The following TBC1D1 variants were observed in gnomAD, a reference collection of about 807,000 sequenced individuals.
The protein encoded by TBC1D1 is TBC1 (tre-2/USP6, BUB2, cdc16) domain family, member 1.
A neutral mutation model predicts 125.6 loss-of-function variants in TBC1D1; 89 were observed. The ratio of observed to expected loss-of-function variants is 0.71; its 90% CI spans 0.60 to 0.85. The LOEUF is 0.85. TBC1D1 is among the 40% of genes least tolerant of loss of function. TBC1D1 has a pLI of 0.00. For missense variants in TBC1D1, 1,377 were observed against 1,469.2 expected, an observed-to-expected ratio of 0.94 and a Z score of 1.03; for synonymous variants, 565 against 564.1, an observed-to-expected ratio of 1.00 and a Z score of -0.02.
At chr4:38,083,278 G>C (rs12507972) in intron 12 of TBC1D1, among the ~76,000 whole-genome samples, 7,001 of 152,254 alleles carry the variant, frequency 0.046, 205 homozygotes, top group Middle Eastern at 0.078. Flanking sequence ...TTAATATGTG[G>C]ATTGACTAGA....
chr4:38,087,863 G>GAAAAAAAAAAAAAAAGA (rs367742093), intron 12 of TBC1D1, among the ~76,000 whole-genome samples: 1 of 83,944 alleles, frequency 1.2e-5, no homozygotes, highest in Non-Finnish European at 2.2e-5. Flanking sequence ...AAAAAAAAAA[G>GAAAAAAAAAAAAAAAGA]AAAAAAAAAA....
rs115484242 is a variant in TBC1D1 at position 38,117,307 on chromosome 4, G to A, written c.2803-726G>A. ...GTTGTTGTTTCTTTAGGCTCAGGCCGTGGCACTGCTCAGATCTGGGCTGGC... is the reference window on the plus strand; with the variant it reads ...GTTGTTGTTTCTTTAGGCTCAGGCCATGGCACTGCTCAGATCTGGGCTGGC... On this transcript the variant is annotated intron_variant, in intron 16 of 19. Coordinates refer to ENST00000261439, the MANE Select transcript of TBC1D1 (RefSeq NM_015173.4). 5.8e-3 allele frequency among the ~76,000 whole-genome samples: 876 copies of A among 152,184 alleles called. 8 individuals carry two copies. The highest frequency in any genetic ancestry group is 0.02 in the African/African-American group (819 of 41,512).
In TBC1D1 at chr4:38,093,515, G is replaced by A. The variant is rs533782154; in HGVS notation, c.2237-2414G>A. Among the ~76,000 whole-genome samples the A allele has an allele frequency of 2.3e-4, 34 of 145,878 alleles. No homozygotes were observed. In the East Asian group the frequency reaches 2.5e-3, roughly 11 times the overall value. ...CTCCACCGTCCTCCTCTGCAAGGCCGTTTTCCCCCCCCTTTTTTTTTTTTT... is the reference window on the plus strand; with the variant it reads ...CTCCACCGTCCTCCTCTGCAAGGCCATTTTCCCCCCCCTTTTTTTTTTTTT... On this transcript the variant is annotated intron_variant, in intron 13 of 19. Transcript: ENST00000261439.
intron 2 of TBC1D1, among the ~76,000 whole-genome samples, chr4:37,910,423 A>G (rs147906716): frequency 0.011 from 1,633 of 152,348 alleles, 27 homozygotes; most frequent in African/African-American, 0.037. Context: ...AAAAATCTCA[A>G]TAGTTTTTTT....
At position 38,089,990 on chromosome 4, in the gene TBC1D1, T is replaced by C. The variant is rs771306831; in HGVS notation, c.2109T>C (p.Asp703=). 5.6e-6 allele frequency: 9 copies of C among 1,613,972 alleles called. No individual in the cohort carries two copies. In the South Asian group the frequency reaches 9.9e-5, roughly 18 times the overall value. The stretch of plus-strand genomic sequence containing the variant: ...CTCCTTTAGAACCAGTTTGTGAAGA[T>C]GGGCCCTTTGGCCCCCCACCAGAGG... Residue 703 remains aspartate (D), a synonymous_variant, in exon 13 of 20, where the codon GAT becomes GAC. Coordinates refer to ENST00000261439, the MANE Select transcript of TBC1D1 (RefSeq NM_015173.4).
intron 11 of TBC1D1, 144 bp downstream of exon 11, chr4:38,050,042 A>G: frequency 4.2e-6 from 4 of 953,972 alleles, no homozygotes; most frequent in South Asian, 3.4e-5. Context: ...AAGCAGTGAC[A>G]TGTTCGTTCG....
rs992139627 is a variant in TBC1D1, at chr4:37,891,947, C to A, written c.-94+599C>A. 3.3e-5 allele frequency among the ~76,000 whole-genome samples: 5 copies of A among 151,994 alleles called. No individual in the cohort carries two copies. The South Asian group carries it at 1.0e-3, about 32-fold the overall frequency. On this transcript the variant is annotated intron_variant, in intron 1 of 19. Transcript: ENST00000261439. The stretch of plus-strand genomic sequence containing the variant: ...TTTTGCTTTTTTTTCAGAGAGGTAT[C>A]ATTTCGTTTGAAATCCACCTAGATG...
intron 12 of TBC1D1, among the ~76,000 whole-genome samples, chr4:38,074,181 T>C (rs1174980092): frequency 6.6e-6 from 1 of 152,162 alleles, no homozygotes; most frequent in Non-Finnish European, 1.5e-5. Context: ...TGGCTCTGAA[T>C]TGAGGGACAG....
chr4:37,949,683 G>C (rs1218901578), intron 2 of TBC1D1, among the ~76,000 whole-genome samples: 17 of 152,180 alleles, frequency 1.1e-4, no homozygotes, highest in Non-Finnish European at 4.4e-5. Flanking sequence ...CTACATGAGA[G>C]GTCAGCAAAC....
intron 2 of TBC1D1, among the ~76,000 whole-genome samples, chr4:37,919,340 GTT>G (rs60078358): frequency 7.1e-6 from 1 of 140,888 alleles, no homozygotes. Context: ...GTTTGTTTTT[GTT>G]TTTTTTTTTT....
intron 12 of TBC1D1, among the ~76,000 whole-genome samples, chr4:38,061,502 T>G (rs1323419442): frequency 1.3e-5 from 2 of 152,222 alleles, no homozygotes; most frequent in Non-Finnish European, 2.9e-5. Context: ...TACTTTTCCT[T>G]TAAGCATTTC....
intron 15 of TBC1D1, chr4:38,110,345 G>A: frequency 1.0e-6 from 1 of 983,644 alleles, no homozygotes; most frequent in Non-Finnish European, 1.2e-6. Context: ...TGATGCCTGG[G>A]ATGTGCAGGT....
chr4:38,127,444 G>A (rs1356191135), intron 18 of TBC1D1, among the ~76,000 whole-genome samples: 1 of 150,782 alleles, frequency 6.6e-6, no homozygotes, highest in Non-Finnish European at 1.5e-5. Flanking sequence ...GAATGCGGTG[G>A]TGTGATCTTG....
chr4:38,051,488 T>C (rs547670295), intron 11 of TBC1D1, among the ~76,000 whole-genome samples: 15 of 152,296 alleles, frequency 9.8e-5, no homozygotes, highest in African/African-American at 3.1e-4. Flanking sequence ...AGAAATATTA[T>C]TGTTCCTGGG....
chr4:38,084,083 G>A (rs1169277310), intron 12 of TBC1D1, among the ~76,000 whole-genome samples: 3 of 152,028 alleles, frequency 2.0e-5, no homozygotes, highest in Non-Finnish European at 4.4e-5. Flanking sequence ...GACTATAGGC[G>A]CCTGCCATGG....
chr4:37,908,343 T>C (rs1285648363), intron 2 of TBC1D1, among the ~76,000 whole-genome samples: 1 of 152,124 alleles, frequency 6.6e-6, no homozygotes, highest in Non-Finnish European at 1.5e-5. Flanking sequence ...GTAGCTGGGA[T>C]TACAGGCGCC....
intron 2 of TBC1D1, among the ~76,000 whole-genome samples, chr4:37,943,340 C>T (rs1320585613): frequency 2.6e-5 from 4 of 152,158 alleles, no homozygotes; most frequent in Non-Finnish European, 5.9e-5. Flanking sequence ...CAAGGAGTAT[C>T]TTTGTGGCAT....
At chr4:37,997,376 C>CTTT (rs1251680429) in intron 2 of TBC1D1, among the ~76,000 whole-genome samples, 3 of 152,120 alleles carry the variant, frequency 2.0e-5, no homozygotes, top group Non-Finnish European at 4.4e-5. Flanking sequence ...GACTTAAAGG[C>CTTT]TTTTGTGTGT....
At chr4:38,082,835 C>T (rs1041674245) in intron 12 of TBC1D1, among the ~76,000 whole-genome samples, 2 of 152,220 alleles carry the variant, frequency 1.3e-5, no homozygotes, top group African/African-American at 4.8e-5. Context: ...TTGTCATGAC[C>T]TCTAACCAGA....
Sources: gnomAD v4.1 joint callset for allele counts (sites outside exome capture counted in the v4.1 genomes callset) on GRCh38, gnomAD v4.1.1 for gene constraint, MANE v1.5 for transcripts, NCBI Gene and HGNC (gene_info 2026-07-23, HGNC 2026-07-21) for gene names.